The following CDH8 variants were observed in gnomAD, a reference collection of about 807,000 sequenced individuals.
CDH8 encodes the protein cadherin-8.
In CDH8, 17 loss-of-function variants were observed where a neutral mutation model predicts 68.1. That is an observed-to-expected ratio of 0.25 (90% CI 0.17 to 0.37). CDH8 has a LOEUF of 0.37. Ranked by LOEUF, CDH8 falls within the 10% of genes least tolerant of loss-of-function variation. CDH8 has a pLI of 1.00. For missense variants in CDH8, 763 were observed against 999.3 expected (o/e 0.76, Z 3.19); for synonymous variants, 372 against 365.1 (o/e 1.02, Z -0.21).
chr16:61,779,077 T>C (rs561967505), intron 8 of CDH8, among the ~76,000 whole-genome samples: 1 of 152,330 alleles, frequency 6.6e-6, no homozygotes, highest in Admixed American at 6.5e-5. Flanking sequence ...GGCAATTATA[T>C]GCTTCCTGCT....
chr16:61,919,809 A>G (rs1436107561), intron 2 of CDH8, among the ~76,000 whole-genome samples: 3 of 152,170 alleles, frequency 2.0e-5, no homozygotes, highest in Admixed American at 1.3e-4. Context: ...ACAAAGAAAC[A>G]AAAGAACAAA....
intron 10 of CDH8, chr16:61,710,666 T>C (rs368975014): frequency 2.6e-4 from 39 of 152,134 alleles, no homozygotes; most frequent in African/African-American, 9.4e-4. Flanking sequence ...CTCATTTCTT[T>C]ACACACATGA....
intron 4 of CDH8, among the ~76,000 whole-genome samples, chr16:61,846,055 C>T (rs1024644877): frequency 1.3e-5 from 2 of 152,042 alleles, no homozygotes; most frequent in Non-Finnish European, 2.9e-5. Flanking sequence ...TTTTAAGGAA[C>T]GAAGGACTGA....
intron 2 of CDH8, among the ~76,000 whole-genome samples, chr16:61,968,249 T>C (rs980665159): frequency 1.3e-5 from 2 of 152,232 alleles, no homozygotes; most frequent in Non-Finnish European, 2.9e-5. Flanking sequence ...AACTACTCTG[T>C]GAGAAAGAAT....
chr16:61,876,121 C>T (rs978063905), intron 3 of CDH8, among the ~76,000 whole-genome samples: 39 of 152,210 alleles, frequency 2.6e-4, no homozygotes, highest in African/African-American at 8.4e-4. Context: ...GTGATCCACC[C>T]GCCTCAGCCT....
intron 3 of CDH8, among the ~76,000 whole-genome samples, chr16:61,889,531 T>G (rs1597044625): frequency 6.6e-6 from 1 of 152,232 alleles, no homozygotes; most frequent in Non-Finnish European, 1.5e-5. Flanking sequence ...ACATTCATTT[T>G]CAGGCAAGTC....
At chr16:61,957,334 C>T (rs1965004021) in intron 2 of CDH8, among the ~76,000 whole-genome samples, 1 of 152,110 alleles carries the variant, frequency 6.6e-6, no homozygotes, top group Non-Finnish European at 1.5e-5. Context: ...CTGATTGTTC[C>T]CTTCAAGGAA....
chr16:61,926,724 G>A (rs1964462120), intron 2 of CDH8, among the ~76,000 whole-genome samples: 1 of 152,158 alleles, frequency 6.6e-6, no homozygotes, highest in South Asian at 2.1e-4. Flanking sequence ...TTTCTTTTGT[G>A]AGTCTACATG....
At chr16:61,793,318 T>C (rs944160944) in intron 7 of CDH8, among the ~76,000 whole-genome samples, 2 of 151,956 alleles carry the variant, frequency 1.3e-5, no homozygotes, top group Non-Finnish European at 2.9e-5. Flanking sequence ...TAGGTAAATG[T>C]GTGTCATGGG....
intron 1 of CDH8, among the ~76,000 whole-genome samples, chr16:62,030,568 C>T (rs1018423938): frequency 1.8e-4 from 27 of 152,070 alleles, no homozygotes; most frequent in Non-Finnish European, 3.8e-4. Context: ...GATATTTATA[C>T]CATTCCTCCA....
intron 1 of CDH8, among the ~76,000 whole-genome samples, chr16:62,027,637 T>G (rs1902225588): frequency 6.6e-6 from 1 of 152,160 alleles, no homozygotes; most frequent in Non-Finnish European, 1.5e-5. Context: ...AACAGGTAAA[T>G]GCACATTGAA....
At chr16:61,857,509 T>C (rs1039046006) in intron 3 of CDH8, among the ~76,000 whole-genome samples, 1 of 152,128 alleles carries the variant, frequency 6.6e-6, no homozygotes, top group African/African-American at 2.4e-5. Context: ...AGATAAGTAT[T>C]AGAAGCATGC....
chr16:61,710,134 C>T (rs2142863672), intron 10 of CDH8, among the ~76,000 whole-genome samples: 1 of 152,152 alleles, frequency 6.6e-6, no homozygotes, highest in Non-Finnish European at 1.5e-5. Context: ...GGCATTGTGC[C>T]AATTGATGTC....
At chr16:61,955,761 G>T (rs946355337) in intron 2 of CDH8, among the ~76,000 whole-genome samples, 1 of 152,108 alleles carries the variant, frequency 6.6e-6, no homozygotes, top group Non-Finnish European at 1.5e-5. Flanking sequence ...CTCAATTACA[G>T]TGCCTAGTAT....
At chr16:61,746,499 A>G (rs1038267820) in intron 8 of CDH8, among the ~76,000 whole-genome samples, 4 of 150,762 alleles carry the variant, frequency 2.7e-5, no homozygotes, top group African/African-American at 9.8e-5. Flanking sequence ...TCCATGGGAG[A>G]GTTTGTCTGA....
intron 8 of CDH8, among the ~76,000 whole-genome samples, chr16:61,782,567 C>T (rs1183437237): frequency 1.3e-5 from 2 of 151,868 alleles, no homozygotes; most frequent in Non-Finnish European, 1.5e-5. Context: ...CCAGGAAGCT[C>T]GAACTGGGTG....
At chr16:61,681,248 A>G (rs1002461463) in intron 10 of CDH8, among the ~76,000 whole-genome samples, 9 of 151,928 alleles carry the variant, frequency 5.9e-5, no homozygotes, top group African/African-American at 1.9e-4. Context: ...CATTATTCAC[A>G]GTCACCAAAA....
intron 10 of CDH8, among the ~76,000 whole-genome samples, chr16:61,710,275 T>C (rs184193529): frequency 3.0e-4 from 45 of 152,076 alleles, no homozygotes; most frequent in African/African-American, 1.1e-3. Flanking sequence ...TTCCAGAAGA[T>C]AAAAATAAAT....
intron 3 of CDH8, among the ~76,000 whole-genome samples, chr16:61,862,844 G>T (rs1172728886): frequency 6.6e-6 from 1 of 152,140 alleles, no homozygotes; most frequent in Non-Finnish European, 1.5e-5. Context: ...GTTGGTGTGT[G>T]ATAAATAGGA....
Sources: gnomAD v4.1 joint callset for allele counts (sites outside exome capture counted in the v4.1 genomes callset) on GRCh38, gnomAD v4.1.1 for gene constraint, MANE v1.5 for transcripts, NCBI Gene and HGNC (gene_info 2026-07-23, HGNC 2026-07-21) for gene names.